ARFGEF1: variants seen among roughly 807,000 people sequenced by gnomAD.
The protein encoded by ARFGEF1 is ARF guanine nucleotide exchange factor 1.
A neutral mutation model predicts 231.0 loss-of-function variants in ARFGEF1; 42 were observed. The observed-to-expected ratio is 0.18, with a 90% confidence interval of 0.14 to 0.24. The LOEUF (loss-of-function observed/expected upper bound fraction) is 0.24. ARFGEF1 is among the 10% of genes least tolerant of loss of function. The pLI is 1.00. For synonymous variants in ARFGEF1, 710 were observed against 732.3 expected (o/e 0.97, Z 0.49); for missense variants, 1,345 against 2,192.0 (o/e 0.61, Z 7.72).
intron 1 of ARFGEF1, among the ~76,000 whole-genome samples, chr8:67,335,662 G>T (rs1808311374): frequency 1.3e-5 from 2 of 152,054 alleles, no homozygotes; most frequent in South Asian, 4.1e-4. Flanking sequence ...AAGTCTCAAT[G>T]TACACATTTT....
At chr8:67,224,820 G>GT in intron 29 of ARFGEF1, 83 bp downstream of exon 29, 1 of 966,110 alleles carries the variant, frequency 1.0e-6, no homozygotes, top group Non-Finnish European at 1.4e-6. Flanking sequence ...GTCTTTAACT[G>GT]TGAGATTGTG....
At chr8:67,279,107 T>A (rs779069026) in intron 7 of ARFGEF1, among the ~76,000 whole-genome samples, 7 of 151,338 alleles carry the variant, frequency 4.6e-5, no homozygotes, top group Admixed American at 1.3e-4. Context: ...CTACAAAAAA[T>A]TTTTTTTAAA....
chr8:67,218,616 G>A (rs1839039438), intron 30 of ARFGEF1, among the ~76,000 whole-genome samples: 1 of 151,596 alleles, frequency 6.6e-6, no homozygotes, highest in East Asian at 1.9e-4. Flanking sequence ...TAAAAAAAGG[G>A]CTATACAACG....
At chr8:67,241,399 G>A (rs1839922154) in intron 19 of ARFGEF1, among the ~76,000 whole-genome samples, 2 of 152,044 alleles carry the variant, frequency 1.3e-5, no homozygotes. Context: ...ACATTCTGTG[G>A]AGAAACAGTG....
intron 19 of ARFGEF1, among the ~76,000 whole-genome samples, chr8:67,245,130 A>G (rs998161138): frequency 1.3e-5 from 2 of 150,644 alleles, no homozygotes; most frequent in African/African-American, 4.9e-5. Context: ...ATCTGGTGAA[A>G]CTATCCTTTA....
At chr8:67,329,524 A>G (rs1807999911) in intron 1 of ARFGEF1, among the ~76,000 whole-genome samples, 1 of 147,720 alleles carries the variant, frequency 6.8e-6, no homozygotes, top group South Asian at 2.1e-4. Context: ...GTAAGACTCC[A>G]TCTCAAAATA....
chr8:67,323,695 C>T (rs1364782707), intron 1 of ARFGEF1, among the ~76,000 whole-genome samples: 2 of 152,202 alleles, frequency 1.3e-5, no homozygotes, highest in East Asian at 1.9e-4. Flanking sequence ...GAGATCTAAG[C>T]TTTCCATATT....
At chr8:67,204,487 A>C (rs955427354) in intron 35 of ARFGEF1, among the ~76,000 whole-genome samples, 193 bp downstream of exon 35, 5 of 152,196 alleles carry the variant, frequency 3.3e-5, no homozygotes, top group African/African-American at 1.2e-4. Context: ...GTCCCTAGTA[A>C]TCAGTTGCTG....
At chr8:67,256,844 T>C (rs1186842270) in intron 17 of ARFGEF1, among the ~76,000 whole-genome samples, 2 of 152,232 alleles carry the variant, frequency 1.3e-5, no homozygotes, top group African/African-American at 2.4e-5. Flanking sequence ...TAAATTATTG[T>C]TAACTTTTTA....
chr8:67,241,747 C>T (rs998178042), intron 19 of ARFGEF1, among the ~76,000 whole-genome samples: 2 of 152,064 alleles, frequency 1.3e-5, no homozygotes, highest in African/African-American at 2.4e-5. Context: ...TCATAAGAAC[C>T]GAGAAACAGG....
downstream of ARFGEF1, among the ~76,000 whole-genome samples, chr8:67,194,145 A>G (rs1837204253): frequency 1.3e-5 from 2 of 151,894 alleles, no homozygotes; most frequent in Non-Finnish European, 2.9e-5. Flanking sequence ...TTCCTTAGAC[A>G]CCTAACAAGC....
chr8:67,266,850 A>G (rs777911681), intron 13 of ARFGEF1, 26 bp downstream of exon 13: 1 of 1,576,728 alleles, frequency 6.3e-7, no homozygotes, highest in South Asian at 1.1e-5. Flanking sequence ...AATGACAAAG[A>G]ATTACAGCTC....
chr8:67,280,861 T>C (rs1292636993), intron 7 of ARFGEF1, among the ~76,000 whole-genome samples: 1 of 152,214 alleles, frequency 6.6e-6, no homozygotes, highest in Non-Finnish European at 1.5e-5. Flanking sequence ...TCTCTGTTTC[T>C]ACAAATAGGC....
chr8:67,343,120 C>T, intron 1 of ARFGEF1, 44 bp downstream of exon 1: 1 of 1,309,234 alleles, frequency 7.6e-7, no homozygotes. Context: ...CCCCTCCCCG[C>T]CCCACAACAA....
intron 7 of ARFGEF1, among the ~76,000 whole-genome samples, chr8:67,282,992 G>A (rs1179233924): frequency 6.6e-6 from 1 of 151,504 alleles, no homozygotes; most frequent in East Asian, 1.9e-4. Flanking sequence ...AAGAACAAAA[G>A]AAAGAAAAGG....
rs775287895 is a variant in ARFGEF1, at chr8:67,211,613, A to G, written c.4689T>C (p.Asp1563=). ...PPSPVSEKPL[D]TISQKSVDIH... ...TATCTACAGACTTCTGTGATATTGT[A>G]TCCTAATAAATAAAAAAAAAATCAC... The change falls in exon 34 of 39, where the codon GAT becomes GAC. Residue 1563 remains aspartate (D), a splice_region_variant and synonymous_variant. Coordinates refer to ENST00000262215, the MANE Select transcript of ARFGEF1 (RefSeq NM_006421.5). The G allele has an allele frequency of 7.6e-6, 11 of 1,448,278 alleles. 1 individual carries two copies. Among genetic ancestry groups the G allele is most frequent in the Admixed American group, 2.5e-5 (1 of 40,302 alleles). The allele number at this position is 1,448,278 out of a possible 1,614,324, so 89.7% of individuals were successfully genotyped here.
At chr8:67,302,539 A>G in intron 1 of ARFGEF1, 73 bp from the exon 2 acceptor site, 1 of 1,091,374 alleles carries the variant, frequency 9.2e-7, no homozygotes, top group Admixed American at 2.7e-5. Context: ...CTTAAGTTCT[A>G]TAAACTCATT....
At chr8:67,175,627 G>C in intron 5 of ARFGEF1, 1 of 711,330 alleles carries the variant, frequency 1.4e-6, no homozygotes. Flanking sequence ...GCTCCACTAG[G>C]GTGGTGTATT....
At chr8:67,221,806 C>CT (rs376510677) in intron 29 of ARFGEF1, among the ~76,000 whole-genome samples, 3,832 of 147,008 alleles carry the variant, frequency 0.026, 175 homozygotes, top group African/African-American at 0.09. Context: ...TTTGTTGTTG[C>CT]TTTTTTTTTT....
Sources: allele counts gnomAD v4.1 joint callset (sites outside exome capture counted in the v4.1 genomes callset), GRCh38; gene constraint gnomAD v4.1.1; transcripts MANE v1.5; gene names NCBI Gene and HGNC (gene_info 2026-07-23, HGNC 2026-07-21).